TMEM8B: variants seen among roughly 807,000 people sequenced by gnomAD.
TMEM8B encodes the protein nasopharyngeal carcinoma expressed 6.
TMEM8B carries 29 observed loss-of-function variants against 49.3 expected under a neutral mutation model. The ratio of observed to expected loss-of-function variants is 0.59; its 90% CI spans 0.44 to 0.80. The LOEUF (loss-of-function observed/expected upper bound fraction) is 0.80, where lower values mean the gene tolerates loss of function less well. TMEM8B is among the 30% of genes least tolerant of loss of function. The probability of loss-of-function intolerance (pLI) is 0.00; values close to 1 mark genes in which losing one functional copy is unlikely to be tolerated. For synonymous variants in TMEM8B, 264 were observed against 272.8 expected, an observed-to-expected ratio of 0.97 and a Z score of 0.32; for missense variants, 575 against 658.5, an observed-to-expected ratio of 0.87 and a Z score of 1.39.
At chr9:35,833,456 CT>C in intron 1 of TMEM8B, 1 of 666,946 alleles carries the variant, frequency 1.5e-6, no homozygotes, top group Non-Finnish European at 1.9e-6. Context: ...CTGTCTGCTA[CT>C]GGTTGCCTCC....
intron 6 of TMEM8B, chr9:35,845,463 C>A: frequency 1.0e-6 from 1 of 985,340 alleles, no homozygotes; most frequent in South Asian, 4.7e-5. Context: ...TCTTTTAATC[C>A]CAGCCAGGTT....
In TMEM8B at chr9:35,846,550, C is replaced by T. The variant is rs1368447970; in HGVS notation, c.1935C>T (p.Tyr645=). The T allele has an allele frequency of 1.3e-6, 2 of 1,576,852 alleles. No individual in the cohort carries two copies. The highest frequency in any genetic ancestry group is 1.4e-5 in the African/African-American group (1 of 74,046). ...LSPCVDDCGP[Y]GQCKLLRTHN... The stretch of plus-strand genomic sequence containing the variant: ...CATGCGTGGACGACTGCGGGCCCTA[C>T]GGCCAGTGCAAGCTGCTGCGCACAC... Residue 645 remains tyrosine (Y), a synonymous_variant, in exon 9 of 13, where the codon TAC becomes TAT. Coordinates refer to ENST00000643932, the MANE Select transcript of TMEM8B (RefSeq NM_001042590.4).
chr9:35,853,690 C>A lies in TMEM8B; in HGVS notation c.2625C>A (p.Phe875Leu). The A allele has an allele frequency of 6.2e-7, 1 of 1,614,202 alleles. No homozygotes were observed. Residue 875 changes from phenylalanine (F) to leucine (L), a missense_variant, in exon 13 of 13, where the codon TTC (phenylalanine) becomes TTA (leucine). Coordinates refer to ENST00000643932, the MANE Select transcript of TMEM8B (RefSeq NM_001042590.4). The surrounding 1 kb of genome is among the most constrained non-coding windows in gnomAD (Gnocchi z 4.2). ...TGCTCATTGCGGGCAGTGTGGGCTT[C>A]CTGCTGCCCCCTCGTGCCAAGACTG... The part of the protein sequence containing the change: ...WHMLIAGSVG[F>L]LLPPRAKTDH...
At chr9:35,845,885 G>T in intron 6 of TMEM8B, 90 bp from the exon 7 acceptor site, 1 of 1,606,244 alleles carries the variant, frequency 6.2e-7, no homozygotes, top group South Asian at 1.1e-5. Flanking sequence ...GTCCTTGGAA[G>T]GTGTGGGTTA....
chr9:35,834,802 C>T (rs1032879955), intron 2 of TMEM8B, among the ~76,000 whole-genome samples, 152 bp downstream of exon 2: 1 of 152,130 alleles, frequency 6.6e-6, no homozygotes, highest in Non-Finnish European at 1.5e-5. Flanking sequence ...TGTCACATGA[C>T]CACTTCCGGA....
chr9:35,849,136 G>A (rs76960393), intron 10 of TMEM8B, among the ~76,000 whole-genome samples: 1 of 151,908 alleles, frequency 6.6e-6, no homozygotes, highest in Non-Finnish European at 1.5e-5. Flanking sequence ...CTTGCCATTC[G>A]TAGACTTATT....
rs1055353289 is a variant in TMEM8B at position 35,861,873 on chromosome 9, C to G, written c.*8033C>G. On this transcript the variant is annotated 3_prime_UTR_variant, in exon 13 of 13. Coordinates refer to ENST00000643932, the MANE Select transcript of TMEM8B (RefSeq NM_001042590.4). ...CCTCCTGGACAAGGGCTCCAGTGTC[C>G]TCCATGACACCAGCTTTCTCCAGAG... The G allele has an allele frequency of 1.3e-5, 2 of 152,218 alleles. No individual in the cohort carries two copies. The highest frequency in any genetic ancestry group is 4.1e-4 in the South Asian group (2 of 4,826). 9.4% of individuals were successfully genotyped at this position (152,218 alleles called of 1,614,324 possible).
chr9:35,846,940 G>A lies in TMEM8B; in HGVS notation c.2120G>A (p.Arg707Gln), dbSNP rs775431408. 5 of 1,614,138 alleles carry A rather than the reference G, an allele frequency of 3.1e-6. No homozygotes were observed. Among genetic ancestry groups the A allele is most frequent in the South Asian group, 1.1e-5 (1 of 91,080 alleles). Residue 707 changes from arginine to glutamine, a missense_variant, in exon 10 of 13, where the codon CGG becomes CAG. By Grantham distance (43) the Arg-to-Gln change is conservative. Coordinates refer to ENST00000643932, the MANE Select transcript of TMEM8B (RefSeq NM_001042590.4). ...MFLPPVVLAI[R>Q]SRYVLEAAVY... The stretch of plus-strand genomic sequence containing the variant: ...CTGCCACCTGTGGTCCTGGCCATTC[G>A]GAGTCGATATGTGCTGGAAGCTGCA...
Position 35,852,867 on chromosome 9 carries a change from G to T in TMEM8B, c.2216G>T (p.Cys739Phe), listed in dbSNP as rs1564046449. 6.2e-7 allele frequency: 1 copy of T among 1,614,156 alleles called. No homozygotes were observed. ...ACDQPGIVVF[C>F]IMDYDVLQFC... ...GACCAGCCAGGCATCGTGGTTTTCT[G>T]CATCATGGACTACGATGTGCTGCAG... The change falls in exon 11 of 13, where the codon TGC becomes TTC. Residue 739 changes from cysteine to phenylalanine, a missense_variant. Physicochemically the swap from Cys to Phe is radical, Grantham distance 205. Transcript: ENST00000643932.
intron 6 of TMEM8B, 28 bp from the exon 7 acceptor site, chr9:35,845,947 G>A (rs769586157): frequency 6.2e-7 from 1 of 1,612,056 alleles, no homozygotes; most frequent in South Asian, 1.1e-5. Flanking sequence ...GGATGTGGCG[G>A]CCTCACTTCC....
chr9:35,865,312 G>A lies in TMEM8B; in HGVS notation c.*11472G>A, dbSNP rs1279946929. On this transcript the variant is annotated 3_prime_UTR_variant, in exon 13 of 13. Transcript: ENST00000643932. ...AAGCTTAAAGTAAATTGCTTTGTAA[G>A]GTGGGAGACACCGAGTACAGGCGAG... 6.6e-6 allele frequency: 1 copy of A among 152,226 alleles called. No individual in the cohort carries two copies. Among genetic ancestry groups the A allele is most frequent in the Admixed American group, 6.5e-5 (1 of 15,286 alleles). The allele number at this position is 152,226 out of a possible 1,614,324, so 9.4% of individuals were successfully genotyped here. A position where few individuals can be genotyped will look rare whatever the true frequency, so the allele number is the denominator to read the frequency against.
intron 3 of TMEM8B, among the ~76,000 whole-genome samples, chr9:35,840,437 C>T (rs1309733633): frequency 6.6e-6 from 1 of 152,162 alleles, no homozygotes; most frequent in African/African-American, 2.4e-5. Flanking sequence ...GAGGTATGCA[C>T]TCTATGTGAG....
intron 6 of TMEM8B, chr9:35,845,654 C>T: frequency 1.0e-6 from 1 of 985,434 alleles, no homozygotes; most frequent in Non-Finnish European, 1.2e-6. Context: ...CCCTCCTTCT[C>T]CTTAATGAGC....
chr9:35,845,901 G>A, intron 6 of TMEM8B, 74 bp from the exon 7 acceptor site: 1 of 1,608,160 alleles, frequency 6.2e-7, no homozygotes, highest in Non-Finnish European at 8.5e-7. Context: ...GGTTAACAGG[G>A]GTGGGAGTCT....
chr9:35,853,510 A>G lies in TMEM8B; in HGVS notation c.2445A>G (p.Val815=), dbSNP rs1360009041. ...CACTTCTCTGTCTCCCCCAGACAGT[A>G]CGCAGCGTCCGCCGCCGGCACTGCT... ...ALGILATAWT[V]RSVRRRHCYP... The change falls in exon 13 of 13, where the codon GTA becomes GTG. Residue 815 remains valine (V), a synonymous_variant. Transcript: ENST00000643932. The surrounding 1 kb of genome is among the most constrained non-coding windows in gnomAD (Gnocchi z 4.2). 1 of 1,611,896 alleles carries G rather than the reference A, an allele frequency of 6.2e-7. No individual in the cohort carries two copies. Among genetic ancestry groups the G allele is most frequent in the Non-Finnish European group, 8.5e-7 (1 of 1,179,298 alleles).
At chr9:35,840,290 G>A (rs771141071) in intron 3 of TMEM8B, among the ~76,000 whole-genome samples, 17 of 152,292 alleles carry the variant, frequency 1.1e-4, no homozygotes, top group Non-Finnish European at 2.4e-4. Context: ...GGGACCAGAC[G>A]GATCAGTGGG....
At position 35,829,442 on chromosome 9, in the gene TMEM8B, C is replaced by T. The variant is rs1349921606; in HGVS notation, c.-6C>T. On this transcript the variant is annotated 5_prime_UTR_variant, in exon 1 of 13. Transcript: ENST00000643932. Reference sequence around the variant, plus strand: ...GGCCTGTCCGGCCCCGCCCCCGCCCCGGGCCATGGCCCAGCCCTTGTCCCG... The same window carrying T: ...GGCCTGTCCGGCCCCGCCCCCGCCCTGGGCCATGGCCCAGCCCTTGTCCCG... 9 of 351,052 alleles carry T rather than the reference C, an allele frequency of 2.6e-5. No homozygotes were observed. The highest frequency in any genetic ancestry group is 1.3e-4 in the East Asian group (3 of 23,964). The allele number at this position is 351,052 out of a possible 1,614,324, so 21.7% of individuals were successfully genotyped here.
At chr9:35,838,037 G>C (rs777349957) in intron 3 of TMEM8B, among the ~76,000 whole-genome samples, 8 of 152,148 alleles carry the variant, frequency 5.3e-5, no homozygotes, top group Admixed American at 2.6e-4. Context: ...TGAAGAAGTC[G>C]ACTGTACAGG....
chr9:35,860,900 C>G lies in TMEM8B; in HGVS notation c.*7060C>G, dbSNP rs981200903. ...GCGGTGGGCGAGGCTGTGGTCTCTC[C>G]CAGGTGACCTCCATCGCCATGCAGA... On this transcript the variant is annotated 3_prime_UTR_variant, in exon 13 of 13. Coordinates refer to ENST00000643932, the MANE Select transcript of TMEM8B (RefSeq NM_001042590.4). 6.6e-6 allele frequency: 1 copy of G among 152,150 alleles called. No homozygotes were observed. Among genetic ancestry groups the G allele is most frequent in the African/African-American group, 2.4e-5 (1 of 41,422 alleles). 9.4% of individuals were successfully genotyped at this position (152,150 alleles called of 1,614,324 possible). A position where few individuals can be genotyped will look rare whatever the true frequency, so the allele number is the denominator to read the frequency against.
Sources: allele counts gnomAD v4.1 joint callset (sites outside exome capture counted in the v4.1 genomes callset), GRCh38; gene constraint gnomAD v4.1.1; non-coding constraint Gnocchi (gnomAD v3.1); transcripts MANE v1.5; gene names NCBI Gene and HGNC (gene_info 2026-07-23, HGNC 2026-07-21).